The following ATP8A2 variants were observed in gnomAD, a reference collection of about 807,000 sequenced individuals.
ATP8A2 encodes the protein ATPase phospholipid transporting 8A2.
ATP8A2 carries 100 observed loss-of-function variants against 165.6 expected under a neutral mutation model. That is an observed-to-expected ratio of 0.60 (90% CI 0.51 to 0.71). The LOEUF is 0.71. Among genes scored for constraint, ATP8A2 ranks in the 30% least tolerant of loss-of-function variants. The pLI is 0.00. For synonymous variants in ATP8A2, 543 were observed against 548.8 expected, an observed-to-expected ratio of 0.99 and a Z score of 0.15; for missense variants, 1,227 against 1,479.5, an observed-to-expected ratio of 0.83 and a Z score of 2.80.
intron 33 of ATP8A2, among the ~76,000 whole-genome samples, chr13:25,939,526 G>A (rs2139101867): frequency 6.6e-6 from 1 of 152,246 alleles, no homozygotes; most frequent in South Asian, 2.1e-4. Flanking sequence ...CAGCAATGCG[G>A]TGGTTTGCCA....
chr13:25,931,515 A>G (rs1291157754), intron 33 of ATP8A2, among the ~76,000 whole-genome samples: 1 of 152,132 alleles, frequency 6.6e-6, no homozygotes. Flanking sequence ...CTCTGGTGTC[A>G]TCCCCCACCC....
rs186206127 is a variant in ATP8A2 at position 25,953,339 on chromosome 13, G to A, written c.3184-8236G>A. Among the ~76,000 whole-genome samples, 49 of 142,104 alleles carry A rather than the reference G, an allele frequency of 3.4e-4. No homozygotes were observed. The highest frequency in any genetic ancestry group is 1.0e-3 in the African/African-American group (35 of 34,900). The allele number at this position is 142,104 out of a possible 152,430, so 93.2% of individuals were successfully genotyped here. ...AAATTTTCTTCTGTAAAATGGGGAC[G>A]GGGGGGATTAAATAAAATGCTTTAT... On this transcript the variant is annotated intron_variant, in intron 33 of 36. Coordinates refer to ENST00000381655, the MANE Select transcript of ATP8A2 (RefSeq NM_016529.6). The surrounding 1 kb of genome is among the most constrained non-coding windows in gnomAD (Gnocchi z 6.7).
chr13:25,665,735 G>T (rs1271905260), intron 24 of ATP8A2, among the ~76,000 whole-genome samples: 1 of 151,762 alleles, frequency 6.6e-6, no homozygotes, highest in Non-Finnish European at 1.5e-5. Flanking sequence ...TATTTTAGAG[G>T]TGGGGGTCTT....
At chr13:25,752,951 G>A (rs74895743) in intron 25 of ATP8A2, among the ~76,000 whole-genome samples, 194 of 152,262 alleles carry the variant, frequency 1.3e-3, no homozygotes, top group African/African-American at 4.4e-3. Flanking sequence ...TGTGATAGCA[G>A]GTTTTACTGG....
intron 15 of ATP8A2, 39 bp downstream of exon 15, chr13:25,559,804 A>C (rs1341184366): frequency 9.2e-6 from 13 of 1,412,758 alleles, no homozygotes; most frequent in Non-Finnish European, 1.3e-5. Context: ...TTTAGTGGAA[A>C]AGCTTTTGGA....
intron 33 of ATP8A2, among the ~76,000 whole-genome samples, chr13:25,888,936 T>C (rs1953260143): frequency 6.6e-6 from 1 of 152,138 alleles, no homozygotes; most frequent in South Asian, 2.1e-4. Flanking sequence ...TTTTTTTTCT[T>C]TTATGTATGT....
chr13:25,993,537 T>A (rs1956436023), intron 35 of ATP8A2, among the ~76,000 whole-genome samples: 1 of 152,242 alleles, frequency 6.6e-6, no homozygotes, highest in East Asian at 1.9e-4. Flanking sequence ...GTGTAAGGTA[T>A]GAGATTTAGA....
intron 23 of ATP8A2, among the ~76,000 whole-genome samples, chr13:25,588,697 A>C (rs913735737): frequency 6.6e-6 from 1 of 152,190 alleles, no homozygotes; most frequent in African/African-American, 2.4e-5. Flanking sequence ...TATTCTGTGG[A>C]GAAGGATTTT....
intron 33 of ATP8A2, among the ~76,000 whole-genome samples, chr13:25,901,490 A>G (rs1953745691): frequency 6.6e-6 from 1 of 150,972 alleles, no homozygotes; most frequent in Non-Finnish European, 1.5e-5. Flanking sequence ...ATGAATTCAT[A>G]TATTATATAT....
At chr13:25,605,365 A>G (rs1003165278) in intron 24 of ATP8A2, among the ~76,000 whole-genome samples, 3 of 152,164 alleles carry the variant, frequency 2.0e-5, no homozygotes, top group Non-Finnish European at 4.4e-5. Context: ...TTTTCTGGCA[A>G]TCTAATAGTT....
intron 1 of ATP8A2, among the ~76,000 whole-genome samples, chr13:25,454,585 C>T (rs969504171): frequency 2.6e-5 from 4 of 152,204 alleles, no homozygotes; most frequent in East Asian, 1.9e-4. Flanking sequence ...GGGACCCTCT[C>T]ATACTGGGTT....
At chr13:25,573,702 G>A (rs1266375656) in intron 18 of ATP8A2, among the ~76,000 whole-genome samples, 1 of 152,146 alleles carries the variant, frequency 6.6e-6, no homozygotes, top group Non-Finnish European at 1.5e-5. Context: ...TGGCAGCCCT[G>A]GTGCTGGGTG....
Position 25,742,940 on chromosome 13 carries a change from G to A in ATP8A2, c.2385-26106G>A, listed in dbSNP as rs1203580154. Among the ~76,000 whole-genome samples the A allele has an allele frequency of 2.0e-5, 3 of 152,114 alleles. No homozygotes were observed. The East Asian group carries it at 5.8e-4, about 29-fold the overall frequency. On this transcript the variant is annotated intron_variant, in intron 25 of 36. Coordinates refer to ENST00000381655, the MANE Select transcript of ATP8A2 (RefSeq NM_016529.6). ...GGGGAGCCAGCTTCCAATTTGGAAG[G>A]GAGGGGATTTATTGAAGAGGTGAAA...
At chr13:25,961,131 A>G (rs1419549537) in intron 33 of ATP8A2, among the ~76,000 whole-genome samples, 1 of 152,204 alleles carries the variant, frequency 6.6e-6, no homozygotes, top group Non-Finnish European at 1.5e-5. Flanking sequence ...GAGAACCACC[A>G]TGCCTTGTAC....
At chr13:25,550,246 A>G (rs1281955673) in intron 10 of ATP8A2, among the ~76,000 whole-genome samples, 3 of 152,184 alleles carry the variant, frequency 2.0e-5, no homozygotes, top group Non-Finnish European at 4.4e-5. Flanking sequence ...CGGAGGTTGC[A>G]GTGAGCTGAG....
intron 10 of ATP8A2, among the ~76,000 whole-genome samples, chr13:25,548,264 T>C (rs752669268): frequency 9.9e-5 from 15 of 152,050 alleles, no homozygotes; most frequent in Non-Finnish European, 2.1e-4. Flanking sequence ...AGAAAACCCA[T>C]CATTGATCAT....
At chr13:25,789,060 G>T (rs1000108031) in intron 27 of ATP8A2, among the ~76,000 whole-genome samples, 2 of 152,156 alleles carry the variant, frequency 1.3e-5, no homozygotes, top group African/African-American at 4.8e-5. Context: ...AATAGTGAAC[G>T]CTGGTTGAAT....
chr13:25,951,763 C>G (rs569511779), intron 33 of ATP8A2, among the ~76,000 whole-genome samples: 7 of 152,290 alleles, frequency 4.6e-5, no homozygotes, highest in Non-Finnish European at 7.4e-5. Context: ...TTCAAAATAG[C>G]AAGGTTCATT....
rs546940374 is a variant in ATP8A2, at chr13:25,774,792, G to A, written c.2569-57G>A. ...TTCTGTTCATAAGGACATTCTGTTTGTGACTTTTATTCCTCAATGATGGGC... is the reference window on the plus strand; with the variant it reads ...TTCTGTTCATAAGGACATTCTGTTTATGACTTTTATTCCTCAATGATGGGC... On this transcript the variant is annotated intron_variant, in intron 26 of 36. Transcript: ENST00000381655. 2.4e-5 allele frequency: 24 copies of A among 1,003,008 alleles called. No homozygotes were observed. In the East Asian group the frequency reaches 4.5e-4, roughly 19 times the overall value. The allele number at this position is 1,003,008 out of a possible 1,614,324, so 62.1% of individuals were successfully genotyped here. A position where few individuals can be genotyped will look rare whatever the true frequency, so the allele number is the denominator to read the frequency against.
Sources: gnomAD v4.1 joint callset for allele counts (sites outside exome capture counted in the v4.1 genomes callset) on GRCh38, gnomAD v4.1.1 for gene constraint, Gnocchi (gnomAD v3.1) non-coding constraint, MANE v1.5 for transcripts, NCBI Gene and HGNC (gene_info 2026-07-23, HGNC 2026-07-21) for gene names.